HECW2: variants seen among roughly 807,000 people sequenced by gnomAD.
The protein encoded by HECW2 is E3 ubiquitin-protein ligase HECW2.
Under a neutral mutation model 175.2 loss-of-function variants are expected in HECW2, and 61 were observed. The observed-to-expected ratio is 0.35, with a 90% CI of 0.28 to 0.43. The LOEUF (loss-of-function observed/expected upper bound fraction) is 0.43. Among genes scored for constraint, HECW2 ranks in the 20% least tolerant of loss-of-function variants. The pLI is 1.00. For missense variants in HECW2, 1,524 were observed against 2,000.5 expected, an observed-to-expected ratio of 0.76 and a Z score of 4.54; for synonymous variants, 671 against 731.0, an observed-to-expected ratio of 0.92 and a Z score of 1.32.
intron 26 of HECW2, among the ~76,000 whole-genome samples, chr2:196,218,688 C>T (rs527614698): frequency 6.6e-6 from 1 of 151,746 alleles, no homozygotes; most frequent in South Asian, 2.1e-4. Flanking sequence ...TGGCATACAC[C>T]CTCTGTCTGA....
intron 1 of HECW2, among the ~76,000 whole-genome samples, chr2:196,507,616 G>A (rs1687813698): frequency 6.6e-6 from 1 of 152,152 alleles, no homozygotes; most frequent in Non-Finnish European, 1.5e-5. Context: ...TAAAGGAAAT[G>A]CAACATCTAA....
At chr2:196,283,123 G>A (rs556027719) in intron 14 of HECW2, among the ~76,000 whole-genome samples, 6 of 151,450 alleles carry the variant, frequency 4.0e-5, no homozygotes, top group African/African-American at 9.7e-5. Context: ...TTAGCTGGGC[G>A]TGGTGGCAGG....
chr2:196,195,631 C>A lies in HECW2; in HGVS notation c.*5646G>T, dbSNP rs543520563. The A allele has an allele frequency of 2.2e-4, 34 of 152,292 alleles. No individual in the cohort carries two copies. The highest frequency in any genetic ancestry group is 8.2e-4 in the African/African-American group (34 of 41,576). 9.4% of individuals were successfully genotyped at this position (152,292 alleles called of 1,614,324 possible). Reference sequence around the variant, plus strand: ...GATTAACAGAGAGCATTTAAGTTATCTTTAGAAATCATGAAAATGTCTCAA... The same window carrying A: ...GATTAACAGAGAGCATTTAAGTTATATTTAGAAATCATGAAAATGTCTCAA... On this transcript the variant is annotated 3_prime_UTR_variant, in exon 29 of 29. Transcript: ENST00000644978.
chr2:196,505,532 T>A (rs1241845065), intron 1 of HECW2, among the ~76,000 whole-genome samples: 4 of 151,588 alleles, frequency 2.6e-5, no homozygotes. Context: ...AGAGTGAGAC[T>A]TCATCAAAAA....
intron 19 of HECW2, among the ~76,000 whole-genome samples, chr2:196,247,932 CA>C (rs1688708337): frequency 3.9e-5 from 6 of 152,154 alleles, no homozygotes. Context: ...TTTCCTGGTT[CA>C]CTTTCAAAAA....
intron 1 of HECW2, among the ~76,000 whole-genome samples, chr2:196,534,620 T>C (rs1181477854): frequency 1.3e-5 from 2 of 152,198 alleles, no homozygotes; most frequent in Non-Finnish European, 2.9e-5. Context: ...CTGGTAAATG[T>C]AGGCCAGCTG....
At chr2:196,448,749 A>G (rs902335963) in intron 1 of HECW2, among the ~76,000 whole-genome samples, 1 of 152,150 alleles carries the variant, frequency 6.6e-6, no homozygotes, top group East Asian at 1.9e-4. Context: ...CACCTTGTTG[A>G]GAAGTAGCAA....
At chr2:196,544,748 GC>G (rs1689350221) in intron 1 of HECW2, among the ~76,000 whole-genome samples, 2 of 152,142 alleles carry the variant, frequency 1.3e-5, no homozygotes, top group Admixed American at 1.3e-4. Context: ...TCTTCCTGTT[GC>G]CATGCCCTTT....
At chr2:196,507,232 T>C (rs377140147) in intron 1 of HECW2, among the ~76,000 whole-genome samples, 1 of 1,146 alleles carries the variant, frequency 8.7e-4, no homozygotes, top group African/African-American at 3.8e-3. Flanking sequence ...ATTACACACA[T>C]ATAAATAGAA....
At chr2:196,514,480 T>C (rs1193132192) in intron 1 of HECW2, among the ~76,000 whole-genome samples, 1 of 152,156 alleles carries the variant, frequency 6.6e-6, no homozygotes, top group Admixed American at 6.5e-5. Context: ...GGGTCCCTGA[T>C]GAAGTCCCAC....
At chr2:196,204,212 G>T (rs1367267572) in intron 28 of HECW2, among the ~76,000 whole-genome samples, 1 of 151,952 alleles carries the variant, frequency 6.6e-6, no homozygotes, top group African/African-American at 2.4e-5. Context: ...ATTTTTTGGG[G>T]GATATACACA....
In HECW2 at chr2:196,317,389, G is replaced by A. The variant is rs1222167668; in HGVS notation, c.2339-20C>T. On this transcript the variant is annotated intron_variant, in intron 9 of 28. Coordinates refer to ENST00000644978, the MANE Select transcript of HECW2 (RefSeq NM_001348768.2). ...GAGAACCTAGGATTAAAGGTAGAAA[G>A]TTACCAGGTATTGTTTTCTCTTTCA... 2 of 1,558,088 alleles carry A rather than the reference G, an allele frequency of 1.3e-6. No homozygotes were observed. The highest frequency in any genetic ancestry group is 8.8e-7 in the Non-Finnish European group (1 of 1,134,626).
At chr2:196,518,676 A>C (rs1354562254) in intron 1 of HECW2, among the ~76,000 whole-genome samples, 5 of 145,326 alleles carry the variant, frequency 3.4e-5, no homozygotes, top group Non-Finnish European at 5.9e-5. Flanking sequence ...AAAAAAAAAA[A>C]AACCCTTTAG....
chr2:196,518,435 C>T (rs867064402), intron 1 of HECW2, among the ~76,000 whole-genome samples: 18 of 151,942 alleles, frequency 1.2e-4, no homozygotes, highest in Middle Eastern at 3.4e-3. Context: ...GTGGGTGGAT[C>T]GCTTGAGGTC....
chr2:196,375,322 G>A (rs1369545849), intron 2 of HECW2, among the ~76,000 whole-genome samples: 1 of 152,008 alleles, frequency 6.6e-6, no homozygotes, highest in Non-Finnish European at 1.5e-5. Flanking sequence ...AAAAGAATTC[G>A]GAGTCCCAGT....
intron 13 of HECW2, among the ~76,000 whole-genome samples, chr2:196,298,358 AAG>A (rs1211625247): frequency 2.6e-5 from 4 of 152,228 alleles, no homozygotes; most frequent in Non-Finnish European, 5.9e-5. Flanking sequence ...CAAAAAAAGA[AAG>A]AAAAAACCCA....
intron 5 of HECW2, among the ~76,000 whole-genome samples, chr2:196,328,384 T>A (rs188593552): frequency 6.6e-6 from 1 of 152,250 alleles, no homozygotes; most frequent in African/African-American, 2.4e-5. Flanking sequence ...ATTTGAACCA[T>A]AAGTCACTAG....
chr2:196,506,948 T>G lies in HECW2; in HGVS notation c.-35-73490A>C, dbSNP rs1032485665. ...ATTAGAAAAATCTATACAGAAAGGA[T>G]TTTAAAGAACAATGCATATATAAAA... On this transcript the variant is annotated intron_variant, in intron 1 of 28. Transcript: ENST00000644978. 5.3e-5 allele frequency among the ~76,000 whole-genome samples: 8 copies of G among 152,206 alleles called. No homozygotes were observed. In the East Asian group the frequency reaches 9.7e-4, roughly 18 times the overall value.
intron 1 of HECW2, among the ~76,000 whole-genome samples, chr2:196,589,818 G>A (rs781488974): frequency 1.7e-4 from 26 of 152,178 alleles, no homozygotes; most frequent in Admixed American, 3.9e-4. Flanking sequence ...CCCAATTAGT[G>A]TCAGCTCTAG....
Sources: gnomAD v4.1 joint callset for allele counts (sites outside exome capture counted in the v4.1 genomes callset) on GRCh38, gnomAD v4.1.1 for gene constraint, MANE v1.5 for transcripts, NCBI Gene and HGNC (gene_info 2026-07-23, HGNC 2026-07-21) for gene names.